The following MIER1 variants were observed in gnomAD, a reference collection of about 807,000 sequenced individuals.
The protein encoded by MIER1 is mesoderm induction early response protein 1.
A neutral mutation model predicts 75.7 loss-of-function variants in MIER1; 40 were observed. That is an observed-to-expected ratio of 0.53 (90% CI 0.41 to 0.69). MIER1 has a LOEUF of 0.69. Ranked by LOEUF, MIER1 falls within the 30% of genes least tolerant of loss-of-function variation. The pLI, the probability that MIER1 is intolerant of heterozygous loss-of-function variation, is 0.00. For missense variants in MIER1, 574 were observed against 680.2 expected, an observed-to-expected ratio of 0.84 and a Z score of 1.74; for synonymous variants, 213 against 223.4, an observed-to-expected ratio of 0.95 and a Z score of 0.42.
At chr1:66,980,669 GATAA>G (rs1402903533) in intron 12 of MIER1, among the ~76,000 whole-genome samples, 1 of 152,240 alleles carries the variant, frequency 6.6e-6, no homozygotes, top group African/African-American at 2.4e-5. Flanking sequence ...GGAATTTTAA[GATAA>G]ATAACACAAT....
intron 12 of MIER1, 21 bp downstream of exon 12, chr1:66,976,743 A>C (rs749130332): frequency 1.3e-6 from 2 of 1,553,788 alleles, no homozygotes; most frequent in African/African-American, 2.8e-5. Context: ...TTTTTCCTTA[A>C]GAGCTATATA....
chr1:66,953,146 T>C (rs930820364), intron 4 of MIER1, among the ~76,000 whole-genome samples: 3 of 152,290 alleles, frequency 2.0e-5, no homozygotes, highest in South Asian at 2.1e-4. Context: ...TCAGCTACTA[T>C]GGTCAAGGAG....
chr1:66,958,259 T>G, intron 5 of MIER1, 39 bp downstream of exon 5: 9 of 1,387,540 alleles, frequency 6.5e-6, no homozygotes, highest in Non-Finnish European at 8.7e-6. Flanking sequence ...GTAGTCTTTA[T>G]TCTTGTTGAA....
intron 9 of MIER1, among the ~76,000 whole-genome samples, chr1:66,971,261 A>G (rs1222279059): frequency 6.6e-6 from 1 of 152,098 alleles, no homozygotes; most frequent in Non-Finnish European, 1.5e-5. Context: ...ACCTCGGATT[A>G]TCTTATGTAC....
In MIER1 at chr1:66,948,179, A is replaced by G. The variant is rs574280395; in HGVS notation, c.339+1884A>G. ...GGTACCTTGCAAGAGTGCTCACTCA[A>G]AAGTATTGTATGAATGAATGGATAT... On this transcript the variant is annotated intron_variant, in intron 4 of 13. Transcript: ENST00000401041. 5 of 913,360 alleles carry G rather than the reference A, an allele frequency of 5.5e-6. No homozygotes were observed. The South Asian group carries it at 2.0e-4, about 37-fold the overall frequency. 56.6% of individuals were successfully genotyped at this position (913,360 alleles called of 1,614,324 possible).
chr1:66,943,416 AGT>A (rs1656713084), intron 3 of MIER1, among the ~76,000 whole-genome samples: 1 of 152,188 alleles, frequency 6.6e-6, no homozygotes, highest in African/African-American at 2.4e-5. Flanking sequence ...AACTTTGATA[AGT>A]GTTAATAACT....
At chr1:66,956,909 A>C (rs111862055) in intron 4 of MIER1, among the ~76,000 whole-genome samples, 1 of 152,214 alleles carries the variant, frequency 6.6e-6, no homozygotes, top group Admixed American at 6.5e-5. Context: ...TGTATCATCT[A>C]ATCCAGTCTG....
At chr1:66,972,115 G>A (rs552098777) in intron 10 of MIER1, among the ~76,000 whole-genome samples, 8 of 151,028 alleles carry the variant, frequency 5.3e-5, no homozygotes, top group South Asian at 2.1e-4. Context: ...GTAACTTGGC[G>A]AAAGCAAACA....
At chr1:66,928,861 T>C (rs1460249510) in intron 2 of MIER1, 1 of 1,526,508 alleles carries the variant, frequency 6.6e-7, no homozygotes, top group East Asian at 2.3e-5. Context: ...TTTTCCTTTC[T>C]CTTCTTTCCC....
At chr1:66,959,501 T>G (rs931097319) in intron 6 of MIER1, among the ~76,000 whole-genome samples, 178 bp from the exon 7 acceptor site, 1 of 152,138 alleles carries the variant, frequency 6.6e-6, no homozygotes, top group African/African-American at 2.4e-5. Flanking sequence ...GTTTATGGTT[T>G]TTTTGGTTTT....
chr1:66,945,265 GTGTATA>G (rs1262533245), intron 3 of MIER1, among the ~76,000 whole-genome samples: 1 of 15,572 alleles, frequency 6.4e-5, no homozygotes, highest in Non-Finnish European at 1.1e-4. Context: ...AATCTGGTGT[GTGTATA>G]TATATATATA....
chr1:66,938,016 T>G (rs1655321239), intron 2 of MIER1, among the ~76,000 whole-genome samples: 1 of 152,264 alleles, frequency 6.6e-6, no homozygotes, highest in African/African-American at 2.4e-5. Context: ...CATTCTAGTA[T>G]GTCTGACATA....
intron 8 of MIER1, among the ~76,000 whole-genome samples, chr1:66,968,346 T>C (rs188048520): frequency 1.3e-5 from 2 of 152,300 alleles, no homozygotes; most frequent in African/African-American, 4.8e-5. Flanking sequence ...CTGTTAGAAA[T>C]AAAACTTGTC....
intron 2 of MIER1, 60 bp from the exon 3 acceptor site, chr1:66,939,968 A>G: frequency 2.3e-6 from 3 of 1,330,494 alleles, no homozygotes; most frequent in African/African-American, 1.5e-5. Context: ...AATTTCGGTA[A>G]TGTTTGTGAA....
At chr1:66,938,887 T>C (rs1655539563) in intron 2 of MIER1, among the ~76,000 whole-genome samples, 1 of 152,212 alleles carries the variant, frequency 6.6e-6, no homozygotes, top group Admixed American at 6.5e-5. Context: ...ATATGGAATC[T>C]AGAATCCCAT....
chr1:66,965,568 G>C (rs975275965), intron 8 of MIER1, among the ~76,000 whole-genome samples: 1 of 152,104 alleles, frequency 6.6e-6, no homozygotes, highest in African/African-American at 2.4e-5. Context: ...TCCGGGGTAC[G>C]TGAGATGTCT....
chr1:66,953,513 T>C (rs1177340723), intron 4 of MIER1, among the ~76,000 whole-genome samples: 1 of 152,196 alleles, frequency 6.6e-6, no homozygotes, highest in Non-Finnish European at 1.5e-5. Context: ...TCTTTGTTGC[T>C]TACTAAGCTG....
rs948777907 is a variant in MIER1 at position 66,981,865 on chromosome 1, G to T, written c.1316G>T (p.Ser439Ile). ...PSPPPTASNS[S>I]NSQSEKEDGT... ...CCTCCCCCAACTGCATCAAACAGTA[G>T]TAACAGCCAGTCTGAGAAAGAAGAT... The change falls in exon 13 of 14, where the codon AGT (serine) becomes ATT (isoleucine). Residue 439 changes from serine (S) to isoleucine (I), a missense_variant. Physicochemically the swap from Ser to Ile is moderately radical, Grantham distance 142. Transcript: ENST00000401041. The T allele has an allele frequency of 1.9e-5, 30 of 1,614,038 alleles. No homozygotes were observed. The East Asian group carries it at 6.7e-4, about 36-fold the overall frequency.
intron 4 of MIER1, among the ~76,000 whole-genome samples, chr1:66,949,281 A>C (rs1028477933): frequency 3.7e-4 from 57 of 152,296 alleles, no homozygotes; most frequent in South Asian, 2.1e-3. Context: ...TTTCTATTTC[A>C]GAAAATGAGA....
Sources: gnomAD v4.1 joint callset for allele counts (sites outside exome capture counted in the v4.1 genomes callset) on GRCh38, gnomAD v4.1.1 for gene constraint, MANE v1.5 for transcripts, NCBI Gene and HGNC (gene_info 2026-07-23, HGNC 2026-07-21) for gene names.